The following MROH9 variants were observed in gnomAD, a reference collection of about 807,000 sequenced individuals.
The protein encoded by MROH9 is maestro heat-like repeat-containing protein family member 9.
In MROH9, 92 loss-of-function variants were observed where a neutral mutation model predicts 98.2. The ratio of observed to expected loss-of-function variants is 0.94; its 90% CI spans 0.79 to 1.11. The LOEUF is 1.11. Ranked by LOEUF, MROH9 falls within the 50% of genes most tolerant of loss-of-function variation. The pLI, the probability that MROH9 is intolerant of heterozygous loss-of-function variation, is 0.00. For synonymous variants in MROH9, 397 were observed against 368.9 expected (o/e 1.08, Z -0.87); for missense variants, 1,057 against 1,014.8 (o/e 1.04, Z -0.57).
intron 8 of MROH9, among the ~76,000 whole-genome samples, chr1:170,975,001 T>C (rs957288193): frequency 2.0e-5 from 3 of 152,098 alleles, no homozygotes; most frequent in Admixed American, 6.6e-5. Context: ...AAAAGTTATA[T>C]ATATTAAGCC....
chr1:171,016,447 C>A, intron 17 of MROH9, 111 bp downstream of exon 17: 1 of 795,146 alleles, frequency 1.3e-6, no homozygotes, highest in South Asian at 4.4e-5. Context: ...GAAGAAGCCA[C>A]CATTTCTTTT....
At chr1:170,970,682 T>TA (rs1256626240) in intron 7 of MROH9, among the ~76,000 whole-genome samples, 2 of 149,820 alleles carry the variant, frequency 1.3e-5, no homozygotes, top group African/African-American at 4.9e-5. Context: ...GGTCACTTCA[T>TA]ATTTCTTCCT....
chr1:170,971,701 A>G (rs776699480), intron 7 of MROH9, 47 bp from the exon 8 acceptor site: 2 of 1,599,274 alleles, frequency 1.3e-6, no homozygotes, highest in Admixed American at 3.4e-5. Context: ...ACATTTTCAT[A>G]TTGGCTATGC....
chr1:171,034,947 G>A (rs1653048717), intron 20 of MROH9, among the ~76,000 whole-genome samples: 1 of 152,136 alleles, frequency 6.6e-6, no homozygotes, highest in Non-Finnish European at 1.5e-5. Flanking sequence ...ACCGGCAAAT[G>A]ATGGGCTGCC....
chr1:171,019,183 A>G (rs1348296853), intron 17 of MROH9, among the ~76,000 whole-genome samples: 2 of 152,226 alleles, frequency 1.3e-5, no homozygotes, highest in African/African-American at 2.4e-5. Flanking sequence ...ACATAATTAC[A>G]TGGAAATTGA....
rs190888467 is a variant in MROH9 at position 170,938,210 on chromosome 1, G to A, written c.-38+2623G>A. Among the ~76,000 whole-genome samples the A allele has an allele frequency of 4.1e-3, 628 of 152,232 alleles. 3 individuals carry two copies. The highest frequency in any genetic ancestry group is 0.015 in the African/African-American group (609 of 41,534). On this transcript the variant is annotated intron_variant, in intron 1 of 21. Transcript: ENST00000367759. Reference sequence around the variant, plus strand: ...GGCAGTCTTAACTTCCAGTTCAGTGGAATTATTGTCGTGTCCCCTGATGGA... The same window carrying A: ...GGCAGTCTTAACTTCCAGTTCAGTGAAATTATTGTCGTGTCCCCTGATGGA...
intron 14 of MROH9, 21 bp downstream of exon 14, chr1:170,996,665 G>A (rs1651586773): frequency 1.9e-6 from 3 of 1,612,106 alleles, no homozygotes; most frequent in Middle Eastern, 3.3e-4. Flanking sequence ...GGGTCTCTGT[G>A]TAGGATTCTT....
chr1:171,030,953 A>G (rs1359126057), intron 20 of MROH9, among the ~76,000 whole-genome samples: 3 of 152,176 alleles, frequency 2.0e-5, no homozygotes, highest in African/African-American at 7.2e-5. Context: ...TTGTTTTATG[A>G]ATCTGGGTGT....
intron 3 of MROH9, among the ~76,000 whole-genome samples, chr1:170,953,812 G>C (rs1649653065): frequency 6.7e-6 from 1 of 149,258 alleles, no homozygotes; most frequent in African/African-American, 2.5e-5. Context: ...GAGAGAGAGA[G>C]AGAGATGAAA....
intron 16 of MROH9, 59 bp downstream of exon 16, chr1:171,014,313 TG>T: frequency 1.4e-6 from 2 of 1,475,098 alleles, no homozygotes; most frequent in East Asian, 5.0e-5. Context: ...GAGATTTTGA[TG>T]TCACTTAACA....
rs187683772 is a variant in MROH9, at chr1:171,004,041, G to A, written c.1596+5767G>A. Among the ~76,000 whole-genome samples, 16 of 152,160 alleles carry A rather than the reference G, an allele frequency of 1.1e-4. 1 individual carries two copies. Among genetic ancestry groups the A allele is most frequent in the Admixed American group, 6.5e-4 (10 of 15,284 alleles). On this transcript the variant is annotated intron_variant, in intron 15 of 21. Coordinates refer to ENST00000367759, the MANE Select transcript of MROH9 (RefSeq NM_001163629.2). ...AAGTTGGGGAAAGTGGCAGTCACGA[G>A]CTTCACCCAGCTTCCACACAAACCA...
chr1:170,970,736 G>A (rs9427207), intron 7 of MROH9, among the ~76,000 whole-genome samples: 15 of 115,058 alleles, frequency 1.3e-4, no homozygotes, highest in Non-Finnish European at 2.1e-4. Context: ...GTGTGTGAGA[G>A]AGAGAGAGAG....
chr1:170,986,924 C>T (rs1424300123), intron 10 of MROH9, among the ~76,000 whole-genome samples: 1 of 152,140 alleles, frequency 6.6e-6, no homozygotes. Flanking sequence ...AACCTTGGCT[C>T]ACTGCAGCCT....
chr1:170,999,884 G>A (rs540355368), intron 15 of MROH9, among the ~76,000 whole-genome samples: 10 of 152,280 alleles, frequency 6.6e-5, no homozygotes, highest in African/African-American at 1.2e-4. Flanking sequence ...TCTTGCAGGA[G>A]TAAGGTGGTA....
chr1:171,009,293 C>T (rs1410609098), intron 15 of MROH9, among the ~76,000 whole-genome samples: 1 of 151,928 alleles, frequency 6.6e-6, no homozygotes, highest in Non-Finnish European at 1.5e-5. Flanking sequence ...ATTTGTATAG[C>T]AAATTAATAA....
At chr1:170,939,859 A>G (rs1280192970) in intron 1 of MROH9, among the ~76,000 whole-genome samples, 2 of 152,170 alleles carry the variant, frequency 1.3e-5, no homozygotes, top group Non-Finnish European at 2.9e-5. Flanking sequence ...AGAGGAGAGT[A>G]AGGCTTTGCT....
chr1:171,061,239 A>G (rs1034269633), intron 20 of MROH9, among the ~76,000 whole-genome samples: 39 of 152,202 alleles, frequency 2.6e-4, no homozygotes, highest in Admixed American at 2.5e-3. Flanking sequence ...CGGAGGACAT[A>G]GAGCAATGAA....
chr1:170,970,213 C>T (rs142061323), intron 7 of MROH9, among the ~76,000 whole-genome samples: 2 of 152,100 alleles, frequency 1.3e-5, no homozygotes, highest in African/African-American at 2.4e-5. Flanking sequence ...ACATTTGAGG[C>T]AAAACCTGTA....
chr1:171,023,364 G>A (rs1359484743), intron 17 of MROH9, among the ~76,000 whole-genome samples: 3 of 152,160 alleles, frequency 2.0e-5, no homozygotes, highest in Non-Finnish European at 4.4e-5. Flanking sequence ...TATGCAGAGA[G>A]CTTGCATTGT....
Sources: allele counts gnomAD v4.1 joint callset (sites outside exome capture counted in the v4.1 genomes callset), GRCh38; gene constraint gnomAD v4.1.1; transcripts MANE v1.5; gene names NCBI Gene and HGNC (gene_info 2026-07-23, HGNC 2026-07-21).